The following EP400 variants were observed in gnomAD, a reference collection of about 807,000 sequenced individuals.
EP400 encodes the protein E1A-binding protein p400.
A neutral mutation model predicts 354.1 loss-of-function variants in EP400; 105 were observed. The observed-to-expected ratio is 0.30, with a 90% CI of 0.25 to 0.35. The LOEUF (loss-of-function observed/expected upper bound fraction) is 0.35. Among genes scored for constraint, EP400 ranks in the 10% least tolerant of loss-of-function variants. The pLI, the probability that EP400 is intolerant of heterozygous loss-of-function variation, is 1.00. For missense variants in EP400, 3,280 were observed against 4,121.0 expected, an observed-to-expected ratio of 0.80 and a Z score of 5.59; for synonymous variants, 1,646 against 1,716.9, an observed-to-expected ratio of 0.96 and a Z score of 1.02.
chr12:132,053,241 C>CT lies in EP400; in HGVS notation c.7473+19dup. 6.2e-7 allele frequency: 1 copy of CT among 1,613,180 alleles called. No individual in the cohort carries two copies. The highest frequency in any genetic ancestry group is 2.2e-5 in the East Asian group (1 of 44,872). On this transcript the variant is annotated intron_variant, in intron 42 of 52. Coordinates refer to ENST00000389561, the MANE Select transcript of EP400 (RefSeq NM_015409.5). ...GAGAAAAAGGTCAGCGCCCTGGGCC[C>CT]TTCTGCTTGAGTGGGAAAATGTGGT...
intron 30 of EP400, among the ~76,000 whole-genome samples, chr12:132,036,519 G>A (rs1212674264): frequency 6.6e-6 from 1 of 152,252 alleles, no homozygotes; most frequent in Non-Finnish European, 1.5e-5. Flanking sequence ...GGGGCGGGGG[G>A]CAGGAGAGGC....
chr12:132,021,506 G>A (rs1794690257), intron 23 of EP400, among the ~76,000 whole-genome samples, 185 bp downstream of exon 23: 1 of 152,262 alleles, frequency 6.6e-6, no homozygotes, highest in Admixed American at 6.5e-5. Context: ...CGCCTCTGTG[G>A]AGGCCACATC....
In EP400 at chr12:132,078,707, G is replaced by C. The variant is rs961132742; in HGVS notation, c.*1034G>C. ...GGTGATTCTGGAAGTATTGGCTATA[G>C]CGGTGGGCCCAGTCAACTCTTCCTT... On this transcript the variant is annotated 3_prime_UTR_variant, in exon 53 of 53. Coordinates refer to ENST00000389561, the MANE Select transcript of EP400 (RefSeq NM_015409.5). The C allele has an allele frequency of 3.3e-5, 5 of 152,246 alleles. No individual in the cohort carries two copies. Among genetic ancestry groups the C allele is most frequent in the Admixed American group, 3.3e-4 (5 of 15,282 alleles). The allele number at this position is 152,246 out of a possible 1,614,324, so 9.4% of individuals were successfully genotyped here.
At chr12:132,008,653 T>C (rs925116308) in intron 15 of EP400, among the ~76,000 whole-genome samples, 1 of 151,404 alleles carries the variant, frequency 6.6e-6, no homozygotes, top group African/African-American at 2.4e-5. Context: ...CACCCTTGGC[T>C]CACTGCACGT....
In EP400 at chr12:131,960,707, G is replaced by GGGGGCCCCCCCCC; in HGVS notation, c.88_89insGGGGCCCCCCCCC (p.Ala30GlyfsTer39). Reference sequence around the variant, plus strand: ...TGGCAGCGAGGGTGAGGAGCAGCCGGCCCACCCCAACCCACCCCCGTCCCC... The same window carrying GGGGGCCCCCCCCC: ...TGGCAGCGAGGGTGAGGAGCAGCCGGGGGGCCCCCCCCCCCCACCCCAACCCACCCCCGTCCCC... On this transcript the variant is annotated frameshift_variant, in exon 2 of 53. Transcript: ENST00000389561. LOFTEE classifies it high-confidence loss of function. The GGGGGCCCCCCCCC allele has an allele frequency of 6.5e-7, 1 of 1,545,584 alleles. No homozygotes were observed. The highest frequency in any genetic ancestry group is 8.7e-7 in the Non-Finnish European group (1 of 1,146,242).
chr12:132,025,633 C>A lies in EP400; in HGVS notation c.4856-13C>A. On this transcript the variant is annotated splice_polypyrimidine_tract_variant and intron_variant, in intron 24 of 52. Transcript: ENST00000389561. The surrounding 1 kb of genome is among the most constrained non-coding windows in gnomAD (Gnocchi z 4.1). ...ATGCCTGTCATTGACACCTAGTGGA[C>A]CTATGATTGCAGGCAGCGTCCTCCA... 6.3e-7 allele frequency: 1 copy of A among 1,588,444 alleles called. No homozygotes were observed. Among genetic ancestry groups the A allele is most frequent in the Non-Finnish European group, 8.6e-7 (1 of 1,167,282 alleles).
chr12:131,990,509 A>G lies in EP400; in HGVS notation c.2551-127A>G, dbSNP rs556968152. On this transcript the variant is annotated intron_variant, in intron 8 of 52. Coordinates refer to ENST00000389561, the MANE Select transcript of EP400 (RefSeq NM_015409.5). This position sits in a 1 kb window ranked among gnomAD's most constrained non-coding sequence, Gnocchi z 4.2. Reference sequence around the variant, plus strand: ...GTTAGTATGAAATAAATGAAAAAGCACCAAACTGACGAGGCTGGAAAACAC... The same window carrying G: ...GTTAGTATGAAATAAATGAAAAAGCGCCAAACTGACGAGGCTGGAAAACAC... 1 of 698,388 alleles carries G rather than the reference A, an allele frequency of 1.4e-6. No individual in the cohort carries two copies. The highest frequency in any genetic ancestry group is 3.1e-5 in the Admixed American group (1 of 32,782). The allele number at this position is 698,388 out of a possible 1,614,324, so 43.3% of individuals were successfully genotyped here.
chr12:132,066,788 T>A lies in EP400; in HGVS notation c.8568T>A (p.Thr2856=), dbSNP rs1202816294. The A allele has an allele frequency of 6.2e-7, 1 of 1,613,822 alleles. No homozygotes were observed. The highest frequency in any genetic ancestry group is 1.3e-5 in the African/African-American group (1 of 74,926). Residue 2856 remains threonine (T), a synonymous_variant, in exon 49 of 53, where the codon ACT becomes ACA. Coordinates refer to ENST00000389561, the MANE Select transcript of EP400 (RefSeq NM_015409.5). ...LQVARLTRVP[T]SQLQAQGQMQ... ...CTACTGTTTAGACCCGGGTTCCCACTTCTCAGCTGCAGGCGCAAGGGCAGA... is the reference window on the plus strand; with the variant it reads ...CTACTGTTTAGACCCGGGTTCCCACATCTCAGCTGCAGGCGCAAGGGCAGA...
intron 22 of EP400, 40 bp from the exon 23 acceptor site, chr12:132,021,039 C>G: frequency 6.5e-7 from 1 of 1,536,586 alleles, no homozygotes. Flanking sequence ...TTATTAAGAA[C>G]CTCTAACAGC....
chr12:132,028,043 G>C lies in EP400; in HGVS notation c.5136G>C (p.Glu1712Asp), dbSNP rs1441536947. 1.9e-6 allele frequency: 3 copies of C among 1,613,892 alleles called. No individual in the cohort carries two copies. In the South Asian group the frequency reaches 3.3e-5, roughly 18 times the overall value. ...TQEEKTRLLK[E>D]RLDQIYLVNE... ...AGGAAAAGACCAGACTCTTGAAAGAGCGCCTGGATCAGATTTATTTAGTCA... is the reference window on the plus strand; with the variant it reads ...AGGAAAAGACCAGACTCTTGAAAGACCGCCTGGATCAGATTTATTTAGTCA... Residue 1712 changes from glutamate (E) to aspartate (D), a missense_variant, in exon 27 of 53, where the codon GAG becomes GAC. Physicochemically the swap from Glu to Asp is conservative, Grantham distance 45 (BLOSUM62 2). Around this residue, in one of 20 missense-constraint regions of EP400, gnomAD observed 459 missense variants for 496.9 expected, o/e 0.92. Coordinates refer to ENST00000389561, the MANE Select transcript of EP400 (RefSeq NM_015409.5).
Position 132,025,934 on chromosome 12 carries a change from T to C in EP400, c.5014+130T>C. 1 of 1,132,070 alleles carries C rather than the reference T, an allele frequency of 8.8e-7. No homozygotes were observed. The highest frequency in any genetic ancestry group is 1.6e-5 in the African/African-American group (1 of 63,370). 70.1% of individuals were successfully genotyped at this position (1,132,070 alleles called of 1,614,324 possible). The stretch of plus-strand genomic sequence containing the variant: ...GCACAGTCTAGTGTGTGGCCATCTC[T>C]GATTTCTATAGATGTGTCCTAGTGT... On this transcript the variant is annotated intron_variant, in intron 25 of 52. Transcript: ENST00000389561. The surrounding 1 kb of genome is among the most constrained non-coding windows in gnomAD (Gnocchi z 4.1).
rs1896339736 is a variant in EP400, at chr12:132,080,251, TAAGACAG to T, written c.*2579_*2585del. The T allele has an allele frequency of 1.3e-5, 2 of 152,640 alleles. No homozygotes were observed. The highest frequency in any genetic ancestry group is 4.8e-5 in the African/African-American group (2 of 41,470). The allele number at this position is 152,640 out of a possible 1,614,324, so 9.5% of individuals were successfully genotyped here. A position where few individuals can be genotyped will look rare whatever the true frequency, so the allele number is the denominator to read the frequency against. ...GCCCTTGTTCAGATTTGGTGCCTGA[TAAGACAG>T]GGGTTTCTCTTTTTGTGACCTTTAT... On this transcript the variant is annotated 3_prime_UTR_variant, in exon 53 of 53. Transcript: ENST00000389561.
intron 9 of EP400, among the ~76,000 whole-genome samples, chr12:131,991,180 A>G (rs1330541594): frequency 1.3e-5 from 2 of 152,154 alleles, no homozygotes; most frequent in Non-Finnish European, 2.9e-5. Flanking sequence ...GTGTTCCCCC[A>G]TTATTGATGA....
Position 131,961,979 on chromosome 12 carries a change from T to C in EP400, c.1335+25T>C, listed in dbSNP as rs754893875. On this transcript the variant is annotated intron_variant, in intron 2 of 52. Transcript: ENST00000389561. Reference sequence around the variant, plus strand: ...GGTAAGAAACAGGAGTTAATTTGTTTAGTACAAATCTTCTAGATGATCAGA... The same window carrying C: ...GGTAAGAAACAGGAGTTAATTTGTTCAGTACAAATCTTCTAGATGATCAGA... 2.3e-5 allele frequency: 36 copies of C among 1,591,822 alleles called. 1 individual carries two copies. The South Asian group carries it at 2.3e-4, about 10-fold the overall frequency.
At chr12:132,006,946 TG>T in intron 15 of EP400, 69 bp downstream of exon 15, 1 of 1,554,582 alleles carries the variant, frequency 6.4e-7, no homozygotes, top group Non-Finnish European at 8.8e-7. Flanking sequence ...GTGTGTTTGA[TG>T]GGAGTGTGGG....
chr12:132,035,558 A>G (rs148634029), intron 30 of EP400, among the ~76,000 whole-genome samples: 1 of 152,204 alleles, frequency 6.6e-6, no homozygotes, highest in East Asian at 1.9e-4. Context: ...TCGTGGAACA[A>G]CACACCCAGG....
intron 7 of EP400, 92 bp downstream of exon 7, chr12:131,987,982 A>AATTTT: frequency 3.2e-6 from 2 of 628,602 alleles, no homozygotes; most frequent in Non-Finnish European, 4.4e-6. Flanking sequence ...CTCCAGACCC[A>AATTTT]CTTTTTTTTT....
intron 10 of EP400, 117 bp downstream of exon 10, chr12:131,991,573 TTTC>T: frequency 5.3e-6 from 5 of 939,598 alleles, no homozygotes; most frequent in Non-Finnish European, 4.9e-6. Context: ...CTTCCTTTCT[TTTC>T]TTTTTTTTTT....
chr12:131,964,326 G>A (rs1165941281), intron 2 of EP400, among the ~76,000 whole-genome samples: 1 of 152,150 alleles, frequency 6.6e-6, no homozygotes, highest in Non-Finnish European at 1.5e-5. Flanking sequence ...AATTAGCTGG[G>A]CATGGTGGTG....
Sources: gnomAD v4.1 joint callset for allele counts (sites outside exome capture counted in the v4.1 genomes callset) on GRCh38, gnomAD v4.1.1 for gene constraint, gnomAD v4.1.1 regional missense constraint, Gnocchi (gnomAD v3.1) non-coding constraint, MANE v1.5 for transcripts, NCBI Gene and HGNC (gene_info 2026-07-23, HGNC 2026-07-21) for gene names.